The following RSPO2 variants were observed in gnomAD, a reference collection of about 807,000 sequenced individuals.
The protein encoded by RSPO2 is R-spondin 2, also known as R-spondin-2.
In RSPO2, 14 loss-of-function variants were observed where a neutral mutation model predicts 30.9. That is an observed-to-expected ratio of 0.45 (90% CI 0.30 to 0.71). The LOEUF is 0.71. Among genes scored for constraint, RSPO2 ranks in the 30% least tolerant of loss-of-function variants. The pLI is 0.08. For missense variants in RSPO2, 264 were observed against 301.9 expected (o/e 0.87, Z 0.93); for synonymous variants, 107 against 96.4 (o/e 1.11, Z -0.64).
intron 2 of RSPO2, among the ~76,000 whole-genome samples, chr8:108,031,475 A>C (rs1030209876): frequency 2.0e-5 from 3 of 152,254 alleles, no homozygotes; most frequent in Non-Finnish European, 2.9e-5. Flanking sequence ...CTCACAAAGT[A>C]GACTGTCAAT....
intron 4 of RSPO2, among the ~76,000 whole-genome samples, chr8:107,959,324 A>C (rs1416808841): frequency 6.6e-6 from 1 of 152,202 alleles, no homozygotes; most frequent in Non-Finnish European, 1.5e-5. Flanking sequence ...TACATACGTA[A>C]AAACTTTAGC....
At chr8:108,001,177 G>A (rs998017632) in intron 2 of RSPO2, among the ~76,000 whole-genome samples, 57 of 152,254 alleles carry the variant, frequency 3.7e-4, no homozygotes, top group Non-Finnish European at 6.3e-4. Flanking sequence ...GGGCGACAGA[G>A]CGAGACTCCG....
chr8:107,975,080 GAA>G (rs1207480193), intron 3 of RSPO2, among the ~76,000 whole-genome samples: 1 of 152,094 alleles, frequency 6.6e-6, no homozygotes, highest in Non-Finnish European at 1.5e-5. Flanking sequence ...CTAGCTCACT[GAA>G]ACAATAACAA....
chr8:108,058,358 C>G (rs1177455983), intron 2 of RSPO2, among the ~76,000 whole-genome samples: 3 of 152,108 alleles, frequency 2.0e-5, no homozygotes, highest in South Asian at 2.1e-4. Flanking sequence ...AGGATACAAA[C>G]AAATGGAAGA....
intron 2 of RSPO2, among the ~76,000 whole-genome samples, chr8:108,003,996 G>A (rs13259185): frequency 0.042 from 6,428 of 152,132 alleles, 201 homozygotes; most frequent in South Asian, 0.14. Flanking sequence ...TAATTCGTTC[G>A]CTGCTCCTTT....
At chr8:108,063,631 C>T (rs553049469) in intron 2 of RSPO2, among the ~76,000 whole-genome samples, 37 of 151,840 alleles carry the variant, frequency 2.4e-4, no homozygotes, top group African/African-American at 6.8e-4. Context: ...GATTCAATGC[C>T]ATCCCATCAA....
At chr8:107,994,538 A>G (rs1814951204) in intron 2 of RSPO2, among the ~76,000 whole-genome samples, 1 of 152,170 alleles carries the variant, frequency 6.6e-6, no homozygotes, top group African/African-American at 2.4e-5. Context: ...ACCTTAAAAG[A>G]AAAGACACAA....
chr8:108,074,044 C>T (rs1338455007), intron 2 of RSPO2, among the ~76,000 whole-genome samples: 2 of 152,160 alleles, frequency 1.3e-5, no homozygotes, highest in African/African-American at 2.4e-5. Flanking sequence ...CGTCCCTCTA[C>T]ACCACAAAAA....
intron 2 of RSPO2, among the ~76,000 whole-genome samples, chr8:108,038,027 T>G (rs1441598641): frequency 6.6e-6 from 1 of 152,186 alleles, no homozygotes; most frequent in Non-Finnish European, 1.5e-5. Context: ...TAATAAATAT[T>G]TCATAAGGCT....
chr8:108,081,979 G>A (rs2057197343), intron 2 of RSPO2: 7 of 961,724 alleles, frequency 7.3e-6, no homozygotes, highest in Non-Finnish European at 7.4e-6. Context: ...GCCTTTTTCT[G>A]GAAAGGGAGG....
At chr8:107,919,123 A>T (rs1207432155) in intron 5 of RSPO2, among the ~76,000 whole-genome samples, 2 of 151,924 alleles carry the variant, frequency 1.3e-5, no homozygotes, top group Non-Finnish European at 1.5e-5. Flanking sequence ...AAGCAGTTTC[A>T]CTCCTCTTAC....
intron 4 of RSPO2, among the ~76,000 whole-genome samples, chr8:107,960,296 T>C (rs1470705050): frequency 2.0e-5 from 3 of 152,056 alleles, no homozygotes; most frequent in African/African-American, 4.8e-5. Flanking sequence ...TTCTGTAATA[T>C]CCACACATAG....
chr8:108,002,307 A>G (rs1051046044), intron 2 of RSPO2, among the ~76,000 whole-genome samples: 1 of 152,206 alleles, frequency 6.6e-6, no homozygotes, highest in Non-Finnish European at 1.5e-5. Flanking sequence ...AATTATTTAA[A>G]TAGAAGAAAA....
At chr8:107,994,920 T>C (rs917214301) in intron 2 of RSPO2, among the ~76,000 whole-genome samples, 5 of 152,114 alleles carry the variant, frequency 3.3e-5, no homozygotes, top group African/African-American at 7.2e-5. Flanking sequence ...ATGGCCATTA[T>C]ATTTATAGCA....
rs535068463 is a variant in RSPO2 at position 107,927,788 on chromosome 8, A to G, written c.617-26598T>C. ...GATAAGCTTTTTGATGTACTGCTGG[A>G]TTCGGTTTTCCAGTATTTTATTGAG... On this transcript the variant is annotated intron_variant, in intron 5 of 5. Transcript: ENST00000276659. Among the ~76,000 whole-genome samples, 7 of 151,784 alleles carry G rather than the reference A, an allele frequency of 4.6e-5. No individual in the cohort carries two copies. In the East Asian group the frequency reaches 9.7e-4, roughly 21 times the overall value.
intron 2 of RSPO2, among the ~76,000 whole-genome samples, chr8:108,035,503 C>T (rs1322103988): frequency 1.3e-5 from 2 of 152,028 alleles, no homozygotes; most frequent in East Asian, 3.9e-4. Flanking sequence ...CGGAGTCTCG[C>T]TCTGTTGCGC....
intron 5 of RSPO2, among the ~76,000 whole-genome samples, chr8:107,942,088 A>T (rs1050065118): frequency 6.6e-6 from 1 of 152,124 alleles, no homozygotes; most frequent in African/African-American, 2.4e-5. Flanking sequence ...AAACTGAGAT[A>T]AGCAGAGAAT....
chr8:108,066,787 C>T (rs1812684982), intron 2 of RSPO2, among the ~76,000 whole-genome samples: 1 of 152,070 alleles, frequency 6.6e-6, no homozygotes, highest in Non-Finnish European at 1.5e-5. Flanking sequence ...TATTTTGCAA[C>T]CCCTAATGAA....
chr8:107,926,799 C>A (rs914967368), intron 5 of RSPO2, among the ~76,000 whole-genome samples: 1 of 152,088 alleles, frequency 6.6e-6, no homozygotes, highest in Non-Finnish European at 1.5e-5. Context: ...GTTACTGTAG[C>A]CTTGTAGTAT....
Sources: gnomAD v4.1 joint callset for allele counts (sites outside exome capture counted in the v4.1 genomes callset) on GRCh38, gnomAD v4.1.1 for gene constraint, MANE v1.5 for transcripts, NCBI Gene and HGNC (gene_info 2026-07-23, HGNC 2026-07-21) for gene names.